Variants in KRT5 observed in about 807,000 individuals in gnomAD.
KRT5 encodes the protein keratin, type II cytoskeletal 5.
Under a neutral mutation model 44.0 loss-of-function variants are expected in KRT5, and 17 were observed. The observed-to-expected ratio is 0.39, with a 90% CI of 0.26 to 0.58. KRT5 has a LOEUF of 0.58. Among genes scored for constraint, KRT5 ranks in the 20% least tolerant of loss-of-function variants. The pLI is 0.61. For missense variants in KRT5, 737 were observed against 785.5 expected, an observed-to-expected ratio of 0.94 and a Z score of 0.74; for synonymous variants, 329 against 312.8, an observed-to-expected ratio of 1.05 and a Z score of -0.55.
In KRT5 at chr12:52,514,644, G is replaced by A. The variant is rs912506623; in HGVS notation, c.*298C>T. On this transcript the variant is annotated 3_prime_UTR_variant, in exon 9 of 9. Coordinates refer to ENST00000252242, the MANE Select transcript of KRT5 (RefSeq NM_000424.4). ...AGAACCAAAACAAAATTTGGGATTG[G>A]GGTGGGGATTCTGTTTTGATGATTT... The A allele has an allele frequency of 4.6e-6, 2 of 437,932 alleles. No homozygotes were observed. The highest frequency in any genetic ancestry group is 7.5e-5 in the East Asian group (2 of 26,618). The allele number at this position is 437,932 out of a possible 1,614,324, so 27.1% of individuals were successfully genotyped here.
chr12:52,515,434 A>G (rs1017723744), intron 8 of KRT5, 194 bp from the exon 9 acceptor site: 4 of 727,544 alleles, frequency 5.5e-6, no homozygotes, highest in Non-Finnish European at 9.4e-6. Flanking sequence ...GGTGCTAGGT[A>G]CTGAGAGGAG....
At position 52,516,838 on chromosome 12, in the gene KRT5, G is replaced by A. The variant is rs1467489260; in HGVS notation, c.1238C>T (p.Ala413Val). Residue 413 changes from alanine to valine, a missense_variant, in exon 7 of 9, where the codon GCC (alanine) becomes GTC (valine). Coordinates refer to ENST00000252242, the MANE Select transcript of KRT5 (RefSeq NM_000424.4). The part of the protein sequence containing the change: ...VKKQCANLQN[A>V]IADAEQRGEL... The stretch of plus-strand genomic sequence containing the variant: ...CCCACGCTGCTCGGCATCCGCAATG[G>A]CGTTCTGCAGATTGGCGCACTACAG... The A allele has an allele frequency of 7.4e-6, 12 of 1,614,200 alleles. No individual in the cohort carries two copies. The highest frequency in any genetic ancestry group is 9.3e-6 in the Non-Finnish European group (11 of 1,180,050).
In KRT5 at chr12:52,520,285, C is replaced by T; in HGVS notation, c.12G>A (p.Gln4=). ...CCCCGCTCCGGAAGGACACACTTGA[C>T]TGGCGAGACATGGTGGCTTGTTCCT... is the stretch of plus-strand genomic sequence containing the variant. MSR[Q]SSVSFRSGGS... Residue 4 remains glutamine (Q), a synonymous_variant, in exon 1 of 9, where the codon CAG becomes CAA. Transcript: ENST00000252242. 1 of 1,613,320 alleles carries T rather than the reference C, an allele frequency of 6.2e-7. No homozygotes were observed. The highest frequency in any genetic ancestry group is 8.5e-7 in the Non-Finnish European group (1 of 1,180,022).
In KRT5 at chr12:52,516,832, G is replaced by A. The variant is rs1938619348; in HGVS notation, c.1244C>T (p.Ala415Val). Residue 415 changes from alanine (A) to valine (V), a missense_variant, in exon 7 of 9, where the codon GCG becomes GTG. Physicochemically the swap from Ala to Val is moderately conservative, Grantham distance 64. Transcript: ENST00000252242. ...CAGCTCCCCACGCTGCTCGGCATCC[G>A]CAATGGCGTTCTGCAGATTGGCGCA... ...KQCANLQNAI[A>V]DAEQRGELAL... 4.3e-6 allele frequency: 7 copies of A among 1,614,146 alleles called. No homozygotes were observed. The highest frequency in any genetic ancestry group is 5.9e-6 in the Non-Finnish European group (7 of 1,180,036).
chr12:52,520,141 CG>C lies in KRT5; in HGVS notation c.155del (p.Ala52GlyfsTer99). On this transcript the variant is annotated frameshift_variant, in exon 1 of 9. Coordinates refer to ENST00000252242, the MANE Select transcript of KRT5 (RefSeq NM_000424.4). LOFTEE classifies it high-confidence loss of function. Reference protein sequence around the residue: ...GGGGFGRVSLAGACGVGGYGS... With the variant: ...GGGGFGRVSLXGACGVGGYGS... ...CATAGCCACCCACTCCACAAGCACCCGCAAGGCTGACCCTGCCGAAGCCACC... is the reference window on the plus strand; with the variant it reads ...CATAGCCACCCACTCCACAAGCACCCCAAGGCTGACCCTGCCGAAGCCACC... 1 of 1,613,936 alleles carries C rather than the reference CG, an allele frequency of 6.2e-7. No individual in the cohort carries two copies. Among genetic ancestry groups the C allele is most frequent in the Non-Finnish European group, 8.5e-7 (1 of 1,179,918 alleles).
chr12:52,514,961 C>G lies in KRT5; in HGVS notation c.1754G>C (p.Arg585Pro). Residue 585 changes from arginine to proline, a missense_variant, in exon 9 of 9, where the codon CGG becomes CCG. By Grantham distance (103) the Arg-to-Pro change is moderately radical. Around this residue, in one of 5 missense-constraint regions of KRT5, gnomAD observed 344 missense variants for 351.6 expected, o/e 0.98. Coordinates refer to ENST00000252242, the MANE Select transcript of KRT5 (RefSeq NM_000424.4). ...AGGTTCTTAGCTCTTGAAGCTCTTC[C>G]GGGAGGAGGAGGTGGTGGAGACAAA... is the stretch of plus-strand genomic sequence containing the variant. ...VKFVSTTSSS[R>P]KSFKS 6.2e-7 allele frequency: 1 copy of G among 1,613,166 alleles called. No individual in the cohort carries two copies. Among genetic ancestry groups the G allele is most frequent in the Non-Finnish European group, 8.5e-7 (1 of 1,179,938 alleles).
rs770749113 is a variant in KRT5 at position 52,519,111 on chromosome 12, A to C, written c.605T>G (p.Leu202Arg). 6.2e-7 allele frequency: 1 copy of C among 1,614,200 alleles called. No individual in the cohort carries two copies. The highest frequency in any genetic ancestry group is 8.5e-7 in the Non-Finnish European group (1 of 1,180,010). The change falls in exon 2 of 9, where the codon CTG (leucine) becomes CGG (arginine). Residue 202 changes from leucine to arginine, a missense_variant. Coordinates refer to ENST00000252242, the MANE Select transcript of KRT5 (RefSeq NM_000424.4). ...AGTCTTGGTGCCCTGCTCCTGCAGC[A>C]GGGTCCACTTGGTGTCCAGAACCTT... ...QNKVLDTKWT[L>R]LQEQGTKTVR...
chr12:52,518,385 G>T (rs1938651372), intron 2 of KRT5: 1 of 670,338 alleles, frequency 1.5e-6, no homozygotes, highest in African/African-American at 1.8e-5. Flanking sequence ...TTCTATTATT[G>T]CTCTAATTCA....
Position 52,520,040 on chromosome 12 carries a change from C to G in KRT5, c.257G>C (p.Arg86Pro), listed in dbSNP as rs762047842. Residue 86 changes from arginine to proline, a missense_variant, in exon 1 of 9, where the codon CGG (arginine) becomes CCG (proline). By Grantham distance (103) the Arg-to-Pro change is moderately radical. This residue lies in a region of KRT5 where 326 missense variants were observed against 333.1 expected (regional missense o/e 0.98). Coordinates refer to ENST00000252242, the MANE Select transcript of KRT5 (RefSeq NM_000424.4). ...GCCGCCTCCAGCACCAGCACCAAACCGGTTCCTGAAGCTGCCACCACTAGT... is the reference window on the plus strand; with the variant it reads ...GCCGCCTCCAGCACCAGCACCAAACGGGTTCCTGAAGCTGCCACCACTAGT... The part of the protein sequence containing the change: ...ISTSGGSFRN[R>P]FGAGAGGGYG... 3.1e-6 allele frequency: 5 copies of G among 1,613,950 alleles called. No individual in the cohort carries two copies. The highest frequency in any genetic ancestry group is 3.3e-5 in the Admixed American group (2 of 59,994).
At position 52,519,816 on chromosome 12, in the gene KRT5, T is replaced by A. The variant is rs1368209148; in HGVS notation, c.481A>T (p.Ile161Phe). Residue 161 changes from isoleucine (I) to phenylalanine (F), a missense_variant, in exon 1 of 9, where the codon ATC becomes TTC. Coordinates refer to ENST00000252242, the MANE Select transcript of KRT5 (RefSeq NM_000424.4). ...TPLNLQIDPS[I>F]QRVRTEEREQ... Reference sequence around the variant, plus strand: ...CGCTCCTCGGTCCTCACCCTCTGGATGCTGGGGTCGATTTGCAGGTTGAGG... The same window carrying A: ...CGCTCCTCGGTCCTCACCCTCTGGAAGCTGGGGTCGATTTGCAGGTTGAGG... The A allele has an allele frequency of 6.2e-7, 1 of 1,614,078 alleles. No homozygotes were observed. Among genetic ancestry groups the A allele is most frequent in the Non-Finnish European group, 8.5e-7 (1 of 1,180,008 alleles).
rs751037633 is a variant in KRT5, at chr12:52,514,989, T to C, written c.1726A>G (p.Lys576Glu). The C allele has an allele frequency of 1.2e-6, 2 of 1,613,020 alleles. No individual in the cohort carries two copies. Among genetic ancestry groups the C allele is most frequent in the South Asian group, 1.1e-5 (1 of 90,992 alleles). The change falls in exon 9 of 9, where the codon AAA (lysine) becomes GAA (glutamate). Residue 576 changes from lysine to glutamate, a missense_variant. By Grantham distance (56) the Lys-to-Glu change is moderately conservative. This residue lies in a region of KRT5 where 344 missense variants were observed against 351.6 expected (regional missense o/e 0.98). Transcript: ENST00000252242. ...GSGGGSSSSV[K>E]FVSTTSSSRK... ...GAGGAGGAGGTGGTGGAGACAAATT[T>C]GACGCTGGAGCTGCTACCCCCGCCA...
chr12:52,515,145 G>T lies in KRT5; in HGVS notation c.1570C>A (p.Leu524Ile). 1 of 1,610,146 alleles carries T rather than the reference G, an allele frequency of 6.2e-7. No individual in the cohort carries two copies. The change falls in exon 9 of 9, where the codon CTT becomes ATT. Residue 524 changes from leucine to isoleucine, a missense_variant. This residue lies in a region of KRT5 where 344 missense variants were observed against 351.6 expected (regional missense o/e 0.98). Transcript: ENST00000252242. ...GGLGGGLGGG[L>I]AGGSSGSYYS... ...TAGCTTCCACTGCTACCTCCGGCAAGACCTCCACCGAGGCCGCCGCCAAGA... is the reference window on the plus strand; with the variant it reads ...TAGCTTCCACTGCTACCTCCGGCAATACCTCCACCGAGGCCGCCGCCAAGA...
Position 52,516,826 on chromosome 12 carries a change from G to A in KRT5, c.1250C>T (p.Ala417Val). ...GAGGGCCAGCTCCCCACGCTGCTCG[G>A]CATCCGCAATGGCGTTCTGCAGATT... Reference protein sequence around the residue: ...CANLQNAIADAEQRGELALKD... With the variant: ...CANLQNAIADVEQRGELALKD... Residue 417 changes from alanine to valine, a missense_variant, in exon 7 of 9, where the codon GCC becomes GTC. Physicochemically the swap from Ala to Val is moderately conservative, Grantham distance 64. This residue lies in a region of KRT5 where 344 missense variants were observed against 351.6 expected (regional missense o/e 0.98). Coordinates refer to ENST00000252242, the MANE Select transcript of KRT5 (RefSeq NM_000424.4). 1.2e-6 allele frequency: 2 copies of A among 1,614,188 alleles called. No homozygotes were observed. The highest frequency in any genetic ancestry group is 8.5e-7 in the Non-Finnish European group (1 of 1,180,044).
At position 52,515,203 on chromosome 12, in the gene KRT5, A is replaced by G; in HGVS notation, c.1512T>C (p.Ser504=). ...CGAGGCCACCGCCATAGCCACTGCC[A>G]CTGCCATATCCAGAGGAAACACTGC... ...VTSSVSSGYG[S]GSGYGGGLGG... Residue 504 remains serine (S), a synonymous_variant, in exon 9 of 9, where the codon AGT becomes AGC. Transcript: ENST00000252242. 2.5e-6 allele frequency: 4 copies of G among 1,610,738 alleles called. No homozygotes were observed. The highest frequency in any genetic ancestry group is 3.4e-6 in the Non-Finnish European group (4 of 1,179,914).
chr12:52,519,688 CT>C, intron 1 of KRT5, 53 bp downstream of exon 1: 3 of 1,532,500 alleles, frequency 2.0e-6, no homozygotes, highest in Non-Finnish European at 2.7e-6. Flanking sequence ...CTTTCTCTCT[CT>C]TTGGCATTTA....
Position 52,520,053 on chromosome 12 carries a change from T to G in KRT5, c.244A>C (p.Ser82Arg), listed in dbSNP as rs1938689369. ...KRISISTSGGSFRNRFGAGAG... is the reference protein window; with the variant it reads ...KRISISTSGGRFRNRFGAGAG... ...CCAGCACCAAACCGGTTCCTGAAGC[T>G]GCCACCACTAGTGCTGATGGATATC... Residue 82 changes from serine (S) to arginine (R), a missense_variant, in exon 1 of 9, where the codon AGC becomes CGC. By Grantham distance (110) the Ser-to-Arg change is moderately radical. Transcript: ENST00000252242. The G allele has an allele frequency of 1.9e-6, 3 of 1,613,876 alleles. No homozygotes were observed. The highest frequency in any genetic ancestry group is 2.5e-6 in the Non-Finnish European group (3 of 1,180,012).
chr12:52,518,439 C>T (rs1280280937), intron 2 of KRT5: 2 of 634,582 alleles, frequency 3.2e-6, no homozygotes, highest in South Asian at 3.0e-5. Context: ...GCTGTTTCTC[C>T]CCAACTGCAT....
rs553743213 is a variant in KRT5, at chr12:52,517,565, A to G, written c.1092+25T>C. On this transcript the variant is annotated intron_variant, in intron 5 of 8. Transcript: ENST00000252242. Reference sequence around the variant, plus strand: ...TAGACATGGGTGTGTCCCCTCACTCAGGAGACAGTCATCAGAGCACCCACC... The same window carrying G: ...TAGACATGGGTGTGTCCCCTCACTCGGGAGACAGTCATCAGAGCACCCACC... The G allele has an allele frequency of 2.5e-6, 4 of 1,612,790 alleles. No individual in the cohort carries two copies. The African/African-American group carries it at 5.3e-5, about 21-fold the overall frequency.
In KRT5 at chr12:52,514,854, T is replaced by C. The variant is rs537273071; in HGVS notation, c.*88A>G. The C allele has an allele frequency of 1.3e-5, 15 of 1,188,200 alleles. No homozygotes were observed. The South Asian group carries it at 1.7e-4, about 13-fold the overall frequency. The allele number at this position is 1,188,200 out of a possible 1,614,324, so 73.6% of individuals were successfully genotyped here. On this transcript the variant is annotated 3_prime_UTR_variant, in exon 9 of 9. Coordinates refer to ENST00000252242, the MANE Select transcript of KRT5 (RefSeq NM_000424.4). ...GTCTAGACTACTCTCCAGAAAAGGATAAAACATGGCTTGAGCAACTGCCTA... is the reference window on the plus strand; with the variant it reads ...GTCTAGACTACTCTCCAGAAAAGGACAAAACATGGCTTGAGCAACTGCCTA...
Sources: gnomAD v4.1 joint callset for allele counts on GRCh38, gnomAD v4.1.1 for gene constraint, gnomAD v4.1.1 regional missense constraint, MANE v1.5 for transcripts, NCBI Gene and HGNC (gene_info 2026-07-23, HGNC 2026-07-21) for gene names.